Variants in SORL1 observed in about 807,000 individuals in gnomAD.
SORL1 encodes the protein sortilin-related receptor.
Under a neutral mutation model 273.7 loss-of-function variants are expected in SORL1, and 127 were observed. The ratio of observed to expected loss-of-function variants is 0.46; its 90% CI spans 0.40 to 0.54. The LOEUF is 0.54. Ranked by LOEUF, SORL1 falls within the 20% of genes least tolerant of loss-of-function variation. The pLI is 0.00. For missense variants in SORL1, 2,494 were observed against 2,846.1 expected, an observed-to-expected ratio of 0.88 and a Z score of 2.81; for synonymous variants, 1,031 against 1,067.4, an observed-to-expected ratio of 0.97 and a Z score of 0.66.
rs771561926 is a variant in SORL1, at chr11:121,559,608, G to A, written c.3000G>A (p.Gln1000=). Residue 1000 remains glutamine, a synonymous_variant, in exon 21 of 48, where the codon CAG becomes CAA. Transcript: ENST00000260197. ...SGSQMEILAN[Q]LTGLMDMKIF... ...CCCAGATGGAGATTCTGGCAAACCA[G>A]CTCACGGGGCTCATGGACATGAAGA... 3.7e-6 allele frequency: 6 copies of A among 1,614,170 alleles called. No individual in the cohort carries two copies. Among genetic ancestry groups the A allele is most frequent in the Non-Finnish European group, 5.1e-6 (6 of 1,180,016 alleles).
Position 121,517,421 on chromosome 11 carries a change from T to C in SORL1, c.1211+3100T>C, listed in dbSNP as rs866453696. 2.0e-4 allele frequency among the ~76,000 whole-genome samples: 30 copies of C among 152,352 alleles called. No individual in the cohort carries two copies. The South Asian group carries it at 3.7e-3, about 19-fold the overall frequency. ...GTGAGTACCATATATCAGTGCCTCA[T>C]TCATTTTAATGGGTGAATAATATTC... On this transcript the variant is annotated intron_variant, in intron 8 of 47. Coordinates refer to ENST00000260197, the MANE Select transcript of SORL1 (RefSeq NM_003105.6).
At chr11:121,517,142 A>G (rs1414038641) in intron 8 of SORL1, among the ~76,000 whole-genome samples, 1 of 152,230 alleles carries the variant, frequency 6.6e-6, no homozygotes, top group Admixed American at 6.5e-5. Context: ...CAATACATTT[A>G]CAATGTTGTG....
chr11:121,590,554 T>G (rs1034294073), intron 30 of SORL1: 5 of 549,774 alleles, frequency 9.1e-6, no homozygotes, highest in African/African-American at 1.9e-5. Flanking sequence ...TGCTCCACAA[T>G]GCATTTGAGG....
At chr11:121,543,066 C>CTA (rs1862370877) in intron 12 of SORL1, among the ~76,000 whole-genome samples, 1 of 150,638 alleles carries the variant, frequency 6.6e-6, no homozygotes, top group Non-Finnish European at 1.5e-5. Flanking sequence ...TGGCGGGCAC[C>CTA]TATAGTCCCA....
intron 25 of SORL1, among the ~76,000 whole-genome samples, chr11:121,582,402 C>A (rs140304886): frequency 1.3e-5 from 2 of 152,206 alleles, no homozygotes; most frequent in African/African-American, 4.8e-5. Flanking sequence ...ACAGAGAGTC[C>A]GTCTATCTAG....
chr11:121,457,344 T>C (rs1318831862), intron 1 of SORL1, among the ~76,000 whole-genome samples: 1 of 152,202 alleles, frequency 6.6e-6, no homozygotes, highest in African/African-American at 2.4e-5. Flanking sequence ...TGGTAACAAA[T>C]TTCCTTCCCT....
intron 6 of SORL1, among the ~76,000 whole-genome samples, chr11:121,511,095 C>T (rs946673609): frequency 1.3e-5 from 2 of 151,946 alleles, no homozygotes; most frequent in African/African-American, 2.4e-5. Context: ...TACAGTAACT[C>T]TTTAAAAATC....
At position 121,488,055 on chromosome 11, in the gene SORL1, C is replaced by T; in HGVS notation, c.552C>T (p.Ala184=). ...AGTACATCTTTGCAGACGCTTATGC[C>T]CAGTACCTCTGGATCACGTTTGACT... ...NKRYIFADAY[A]QYLWITFDFC... Residue 184 remains alanine (A), a synonymous_variant, in exon 4 of 48, where the codon GCC becomes GCT. Transcript: ENST00000260197. 1 of 1,614,126 alleles carries T rather than the reference C, an allele frequency of 6.2e-7. No homozygotes were observed. The highest frequency in any genetic ancestry group is 8.5e-7 in the Non-Finnish European group (1 of 1,180,020).
intron 31 of SORL1, among the ~76,000 whole-genome samples, chr11:121,594,792 G>T (rs1328760217): frequency 6.6e-6 from 1 of 152,106 alleles, no homozygotes; most frequent in Admixed American, 6.6e-5. Context: ...TAAAGTGCTG[G>T]TAAGTAATTC....
chr11:121,517,321 A>G (rs1244543653), intron 8 of SORL1, among the ~76,000 whole-genome samples: 1 of 152,172 alleles, frequency 6.6e-6, no homozygotes, highest in African/African-American at 2.4e-5. Flanking sequence ...TTTCATATAA[A>G]TGGAATCATA....
chr11:121,501,791 C>A (rs984191718), intron 6 of SORL1, among the ~76,000 whole-genome samples: 11 of 152,162 alleles, frequency 7.2e-5, no homozygotes, highest in African/African-American at 2.7e-4. Flanking sequence ...ATGGGAGCTA[C>A]AATTCAAGAT....
chr11:121,609,259 C>A (rs887905032), intron 38 of SORL1: 1 of 152,210 alleles, frequency 6.6e-6, no homozygotes, highest in East Asian at 1.9e-4. Context: ...CTAGTCCCCT[C>A]TAAAATCTGG....
rs67390938 is a variant in SORL1, at chr11:121,547,417, C to CAAAAAAAAAAAAAAAAAAAAAAA, written c.2051+1994_2051+2016dup. 1.2e-4 allele frequency among the ~76,000 whole-genome samples: 3 copies of CAAAAAAAAAAAAAAAAAAAAAAA among 24,034 alleles called. 1 individual carries two copies. Among genetic ancestry groups the CAAAAAAAAAAAAAAAAAAAAAAA allele is most frequent in the African/African-American group, 7.3e-4 (3 of 4,102 alleles). 15.8% of individuals were successfully genotyped at this position (24,034 alleles called of 152,430 possible). On this transcript the variant is annotated intron_variant, in intron 14 of 47. Coordinates refer to ENST00000260197, the MANE Select transcript of SORL1 (RefSeq NM_003105.6). ...TGCCCTACATTTCCCCAACCCTCAC[C>CAAAAAAAAAAAAAAAAAAAAAAA]AAAAAAAAAAAAAAAAAAAAAAAAA...
chr11:121,509,429 T>C (rs1861839781), intron 6 of SORL1, among the ~76,000 whole-genome samples: 2 of 152,214 alleles, frequency 1.3e-5, no homozygotes, highest in African/African-American at 4.8e-5. Flanking sequence ...ATCTCAAATA[T>C]AAATGGAAAT....
At chr11:121,591,360 A>G (rs925616247) in intron 31 of SORL1, among the ~76,000 whole-genome samples, 23 of 152,188 alleles carry the variant, frequency 1.5e-4, no homozygotes, top group Admixed American at 2.0e-4. Flanking sequence ...ATGCATAGGA[A>G]ATTGGAATGG....
chr11:121,616,261 A>G (rs1002340386), intron 41 of SORL1, among the ~76,000 whole-genome samples: 6 of 152,128 alleles, frequency 3.9e-5, no homozygotes, highest in African/African-American at 1.4e-4. Flanking sequence ...GGCTTCCTGC[A>G]CCTCATCTCA....
intron 11 of SORL1, among the ~76,000 whole-genome samples, chr11:121,526,695 A>G (rs1486376781): frequency 6.6e-6 from 1 of 151,916 alleles, no homozygotes; most frequent in Non-Finnish European, 1.5e-5. Context: ...TAGGTATTTT[A>G]ATTTTTTGTG....
In SORL1 at chr11:121,633,508, G is replaced by C. The variant is rs967593315; in HGVS notation, c.*3945G>C. 6.6e-6 allele frequency: 1 copy of C among 152,160 alleles called. No homozygotes were observed. The highest frequency in any genetic ancestry group is 1.5e-5 in the Non-Finnish European group (1 of 68,006). 9.4% of individuals were successfully genotyped at this position (152,160 alleles called of 1,614,324 possible). On this transcript the variant is annotated 3_prime_UTR_variant, in exon 48 of 48. Transcript: ENST00000260197. ...ATTTAAAGTGAAACACTGTATACTT[G>C]TTTCTCTCCAAAGCGAAATTAAGTA...
chr11:121,627,224 T>A lies in SORL1; in HGVS notation c.6365-331T>A, dbSNP rs1220636767. On this transcript the variant is annotated intron_variant, in intron 46 of 47. Coordinates refer to ENST00000260197, the MANE Select transcript of SORL1 (RefSeq NM_003105.6). This position sits in a 1 kb window ranked among gnomAD's most constrained non-coding sequence, Gnocchi z 4.9. ...CCTCTTATGTAAGGCAAGCAAGTGG[T>A]CTTAAGTAATAATGCTAATGAAATC... is the stretch of plus-strand genomic sequence containing the variant. 3.6e-6 allele frequency: 1 copy of A among 279,150 alleles called. No individual in the cohort carries two copies. Among genetic ancestry groups the A allele is most frequent in the Non-Finnish European group, 6.9e-6 (1 of 145,500 alleles). The allele number at this position is 279,150 out of a possible 1,614,324, so 17.3% of individuals were successfully genotyped here.
Sources: allele counts gnomAD v4.1 joint callset (sites outside exome capture counted in the v4.1 genomes callset), GRCh38; gene constraint gnomAD v4.1.1; non-coding constraint Gnocchi (gnomAD v3.1); transcripts MANE v1.5; gene names NCBI Gene and HGNC (gene_info 2026-07-23, HGNC 2026-07-21).